Variants in GAD2 observed in about 807,000 individuals in gnomAD.
The protein encoded by GAD2 is glutamate decarboxylase 2.
Under a neutral mutation model 80.1 loss-of-function variants are expected in GAD2, and 22 were observed. The ratio of observed to expected loss-of-function variants is 0.27; its 90% CI spans 0.20 to 0.39. GAD2 has a LOEUF of 0.39. Among genes scored for constraint, GAD2 ranks in the 10% least tolerant of loss-of-function variants. The pLI, the probability that GAD2 is intolerant of heterozygous loss-of-function variation, is 1.00. For synonymous variants in GAD2, 274 were observed against 256.9 expected (o/e 1.07, Z -0.64); for missense variants, 624 against 738.4 (o/e 0.85, Z 1.80).
chr10:26,237,506 T>C (rs1844689329), intron 7 of GAD2, among the ~76,000 whole-genome samples: 1 of 151,554 alleles, frequency 6.6e-6, no homozygotes, highest in African/African-American at 2.4e-5. Context: ...ACACTGTCGT[T>C]AGAAGGAGCT....
chr10:26,269,008 G>A (rs1845102931), intron 8 of GAD2, 111 bp from the exon 9 acceptor site: 2 of 673,926 alleles, frequency 3.0e-6, no homozygotes, highest in Non-Finnish European at 2.5e-6. Flanking sequence ...TTTTCTCCGA[G>A]TATTGTTATC....
chr10:26,273,093 A>C (rs1312313438), intron 10 of GAD2, among the ~76,000 whole-genome samples: 1 of 144,632 alleles, frequency 6.9e-6, no homozygotes, highest in Non-Finnish European at 1.5e-5. Flanking sequence ...ACAAATTGTT[A>C]AGACGTGTTC....
chr10:26,218,547 T>TCA (rs1330661129), intron 3 of GAD2, among the ~76,000 whole-genome samples: 17 of 66,246 alleles, frequency 2.6e-4, no homozygotes, highest in African/African-American at 3.8e-4. Flanking sequence ...TCTCTCTCTC[T>TCA]CTCTCACACA....
chr10:26,252,942 G>A (rs1589144750), intron 8 of GAD2, among the ~76,000 whole-genome samples: 1 of 152,284 alleles, frequency 6.6e-6, no homozygotes. Context: ...ACAGGTGTGA[G>A]CCACCATGCC....
At position 26,218,551 on chromosome 10, in the gene GAD2, T is replaced by TCTCTCTCTCA. The variant is rs748110324; in HGVS notation, c.287-491_287-490insTCTCTCTCAC. On this transcript the variant is annotated intron_variant, in intron 3 of 15. Coordinates refer to ENST00000376261, the MANE Select transcript of GAD2 (RefSeq NM_001134366.2). ...CATGCATACGCTCTCTCTCTCTCTC[T>TCTCTCTCTCA]CACACACACACACACACACACACAC... Among the ~76,000 whole-genome samples, 989 of 118,840 alleles carry TCTCTCTCTCA rather than the reference T, an allele frequency of 8.3e-3. 18 individuals carry two copies. Among genetic ancestry groups the TCTCTCTCTCA allele is most frequent in the African/African-American group, 0.029 (951 of 32,320 alleles). 78.0% of individuals were successfully genotyped at this position (118,840 alleles called of 152,430 possible).
At chr10:26,242,040 G>A (rs1411105940) in intron 7 of GAD2, among the ~76,000 whole-genome samples, 1 of 152,124 alleles carries the variant, frequency 6.6e-6, no homozygotes, top group Non-Finnish European at 1.5e-5. Flanking sequence ...GAGTGCAGTG[G>A]CGTGATCTTG....
intron 7 of GAD2, among the ~76,000 whole-genome samples, chr10:26,230,687 G>C (rs990005882): frequency 6.6e-6 from 1 of 151,964 alleles, no homozygotes; most frequent in Non-Finnish European, 1.5e-5. Flanking sequence ...CTTCCACCTC[G>C]GCCTCCCAAA....
intron 7 of GAD2, among the ~76,000 whole-genome samples, chr10:26,232,002 A>C (rs1284921262): frequency 6.6e-6 from 1 of 152,194 alleles, no homozygotes; most frequent in East Asian, 1.9e-4. Context: ...CAAGTAAAGT[A>C]ACATATTCAC....
chr10:26,248,627 T>C (rs1314954327), intron 8 of GAD2, among the ~76,000 whole-genome samples: 2 of 152,188 alleles, frequency 1.3e-5, no homozygotes, highest in African/African-American at 4.8e-5. Flanking sequence ...GAATTTCCCT[T>C]GAAGGAACTC....
intron 13 of GAD2, 90 bp from the exon 14 acceptor site, chr10:26,292,374 CA>C: frequency 1.1e-6 from 1 of 931,962 alleles, no homozygotes; most frequent in South Asian, 1.5e-5. Flanking sequence ...GGGGCTAAGA[CA>C]GAGACGGCAG....
Position 26,217,751 on chromosome 10 carries a change from A to T in GAD2, c.136+82A>T. On this transcript the variant is annotated intron_variant, in intron 2 of 15. Transcript: ENST00000376261. This position sits in a 1 kb window ranked among gnomAD's most constrained non-coding sequence, Gnocchi z 4.9. Reference sequence around the variant, plus strand: ...CTCACCTCCGCATCCCAGTCAGCGGAGTCGGGGTTTCCTGGCTGCGGGTAG... The same window carrying T: ...CTCACCTCCGCATCCCAGTCAGCGGTGTCGGGGTTTCCTGGCTGCGGGTAG... 1.3e-6 allele frequency: 2 copies of T among 1,585,980 alleles called. No individual in the cohort carries two copies. Among genetic ancestry groups the T allele is most frequent in the Non-Finnish European group, 1.7e-6 (2 of 1,164,964 alleles).
intron 9 of GAD2, among the ~76,000 whole-genome samples, chr10:26,269,927 A>G (rs1175209577): frequency 6.6e-6 from 1 of 152,210 alleles, no homozygotes; most frequent in Non-Finnish European, 1.5e-5. Context: ...AGTAACATCA[A>G]CTAGAAGATT....
chr10:26,255,300 T>A (rs1428180226), intron 8 of GAD2, among the ~76,000 whole-genome samples: 2 of 152,234 alleles, frequency 1.3e-5, no homozygotes, highest in African/African-American at 4.8e-5. Flanking sequence ...CAACTGCCCA[T>A]CAGCATGACT....
At chr10:26,224,188 A>C (rs1012192114) in intron 5 of GAD2, among the ~76,000 whole-genome samples, 8 of 134,242 alleles carry the variant, frequency 6.0e-5, no homozygotes, top group African/African-American at 1.7e-4. Flanking sequence ...TTTAAAATAC[A>C]AAAGAGACTT....
intron 6 of GAD2, among the ~76,000 whole-genome samples, chr10:26,225,644 A>G (rs1844511816): frequency 6.6e-6 from 1 of 152,190 alleles, no homozygotes; most frequent in South Asian, 2.1e-4. Context: ...GGGAGAAAAG[A>G]AAAAGTGAAA....
chr10:26,241,662 C>T (rs971027588), intron 7 of GAD2, among the ~76,000 whole-genome samples: 2 of 151,956 alleles, frequency 1.3e-5, no homozygotes, highest in Non-Finnish European at 2.9e-5. Flanking sequence ...TCTGTCTGTA[C>T]GTGTATGCAC....
intron 7 of GAD2, among the ~76,000 whole-genome samples, chr10:26,241,047 A>AG (rs986594282): frequency 1.3e-5 from 2 of 152,130 alleles, no homozygotes; most frequent in Non-Finnish European, 2.9e-5. Flanking sequence ...GTCTCAAAAA[A>AG]GAAAAAAAAA....
At chr10:26,255,519 T>A (rs542626348) in intron 8 of GAD2, among the ~76,000 whole-genome samples, 2 of 151,700 alleles carry the variant, frequency 1.3e-5, no homozygotes, top group South Asian at 4.2e-4. Context: ...CTTTTGGCTT[T>A]GTTGTTTAAA....
chr10:26,278,795 G>A (rs1424158978), intron 11 of GAD2, among the ~76,000 whole-genome samples: 1 of 152,004 alleles, frequency 6.6e-6, no homozygotes, highest in Non-Finnish European at 1.5e-5. Context: ...AGAAAGACCA[G>A]AAGCTGAGCT....
Sources: allele counts gnomAD v4.1 joint callset (sites outside exome capture counted in the v4.1 genomes callset), GRCh38; gene constraint gnomAD v4.1.1; non-coding constraint Gnocchi (gnomAD v3.1); transcripts MANE v1.5; gene names NCBI Gene and HGNC (gene_info 2026-07-23, HGNC 2026-07-21).